Variants in CSMD1 observed in about 807,000 individuals in gnomAD.
CSMD1 encodes CUB and sushi domain-containing protein 1.
CSMD1 carries 213 observed loss-of-function variants against 417.5 expected under a neutral mutation model. That is an observed-to-expected ratio of 0.51 (90% CI 0.46 to 0.57). The LOEUF is 0.57. CSMD1 is among the 20% of genes least tolerant of loss of function. The pLI is 0.00. For missense variants in CSMD1, 6,923 were observed against 4,529.7 expected, an observed-to-expected ratio of 1.53 and a Z score of -15.17; for synonymous variants, 2,862 against 1,736.8, an observed-to-expected ratio of 1.65 and a Z score of -16.11.
intron 12 of CSMD1, among the ~76,000 whole-genome samples, chr8:3,425,531 T>G (rs1208454367): frequency 1.4e-5 from 2 of 141,670 alleles, no homozygotes; most frequent in African/African-American, 2.7e-5. Flanking sequence ...GAGGTTGCAG[T>G]GATCTGAGAT....
chr8:3,608,402 G>A (rs368893477), intron 8 of CSMD1, among the ~76,000 whole-genome samples: 5 of 152,044 alleles, frequency 3.3e-5, no homozygotes, highest in African/African-American at 4.8e-5. Context: ...AATTCAGGGA[G>A]CTCCCTAAGT....
At chr8:3,114,612 G>T (rs137949447) in intron 42 of CSMD1, among the ~76,000 whole-genome samples, 1 of 151,846 alleles carries the variant, frequency 6.6e-6, no homozygotes, top group Non-Finnish European at 1.5e-5. Context: ...AATCCAGAGC[G>T]CACTCTGTCT....
chr8:3,696,380 C>T (rs145204547), intron 7 of CSMD1, among the ~76,000 whole-genome samples: 97 of 152,330 alleles, frequency 6.4e-4, no homozygotes, highest in African/African-American at 2.3e-3. Flanking sequence ...TTGTCGTATA[C>T]TTTCACATAT....
chr8:4,368,000 G>A (rs1351586818), intron 3 of CSMD1, among the ~76,000 whole-genome samples: 2 of 151,974 alleles, frequency 1.3e-5, no homozygotes, highest in Non-Finnish European at 2.9e-5. Flanking sequence ...TCAGTGAAGT[G>A]AGACACCTTT....
intron 3 of CSMD1, among the ~76,000 whole-genome samples, chr8:4,040,700 T>C (rs1297263102): frequency 6.6e-6 from 1 of 152,154 alleles, no homozygotes; most frequent in Non-Finnish European, 1.5e-5. Context: ...CAAATTCATA[T>C]AATAGCAAAA....
intron 3 of CSMD1, among the ~76,000 whole-genome samples, chr8:4,169,549 T>G (rs754268416): frequency 2.6e-5 from 4 of 152,140 alleles, no homozygotes; most frequent in Admixed American, 6.5e-5. Context: ...TCCAAACTCA[T>G]GTTACTTTTC....
intron 21 of CSMD1, among the ~76,000 whole-genome samples, chr8:3,354,766 T>C (rs1268110759): frequency 6.8e-6 from 1 of 147,630 alleles, no homozygotes; most frequent in Non-Finnish European, 1.5e-5. Context: ...CATAGAATTA[T>C]ATACAGTTTA....
At chr8:4,899,491 A>G (rs1052289727) in intron 1 of CSMD1, among the ~76,000 whole-genome samples, 1 of 152,156 alleles carries the variant, frequency 6.6e-6, no homozygotes, top group Non-Finnish European at 1.5e-5. Flanking sequence ...AGAAATCCCA[A>G]TATGTTAGAT....
intron 6 of CSMD1, among the ~76,000 whole-genome samples, chr8:3,708,717 G>A (rs1188550197): frequency 6.6e-6 from 1 of 152,154 alleles, no homozygotes; most frequent in Non-Finnish European, 1.5e-5. Flanking sequence ...AGTGTCGGAA[G>A]CTAAAAATAA....
chr8:4,428,058 G>T (rs1041954772), intron 2 of CSMD1, among the ~76,000 whole-genome samples: 5 of 152,150 alleles, frequency 3.3e-5, no homozygotes, highest in Admixed American at 6.6e-5. Context: ...AGACATGAAG[G>T]TTACATGTCT....
chr8:4,249,031 C>T (rs907172240), intron 3 of CSMD1, among the ~76,000 whole-genome samples: 4 of 152,158 alleles, frequency 2.6e-5, no homozygotes, highest in Non-Finnish European at 2.9e-5. Flanking sequence ...CAGTGCCTGG[C>T]ATATGCTACT....
intron 3 of CSMD1, among the ~76,000 whole-genome samples, chr8:4,172,053 T>C (rs1158282395): frequency 6.6e-6 from 1 of 152,198 alleles, no homozygotes; most frequent in Non-Finnish European, 1.5e-5. Context: ...CAATGCACGA[T>C]GCTTAAAGTA....
chr8:4,284,811 TA>T (rs1312614844), intron 3 of CSMD1, among the ~76,000 whole-genome samples: 1 of 152,008 alleles, frequency 6.6e-6, no homozygotes, highest in Non-Finnish European at 1.5e-5. Context: ...CAAACTTCAA[TA>T]TATGTGGCCG....
At chr8:2,961,899 T>C (rs1489743143) in intron 61 of CSMD1, among the ~76,000 whole-genome samples, 2 of 152,222 alleles carry the variant, frequency 1.3e-5, no homozygotes, top group African/African-American at 4.8e-5. Context: ...TGACAGCAAA[T>C]ATTCTTCTAA....
At chr8:3,320,107 T>C (rs1321825742) in intron 23 of CSMD1, among the ~76,000 whole-genome samples, 1 of 152,206 alleles carries the variant, frequency 6.6e-6, no homozygotes, top group African/African-American at 2.4e-5. Context: ...ACATGCTCTG[T>C]GCCACACAAT....
chr8:3,248,607 G>T (rs900654872), intron 26 of CSMD1, among the ~76,000 whole-genome samples: 1 of 134,426 alleles, frequency 7.4e-6, no homozygotes, highest in Non-Finnish European at 1.5e-5. Flanking sequence ...TCAGCTCACT[G>T]CAAGTTCCAC....
chr8:3,446,300 T>G (rs1331734307), intron 12 of CSMD1, among the ~76,000 whole-genome samples: 1 of 152,232 alleles, frequency 6.6e-6, no homozygotes, highest in Non-Finnish European at 1.5e-5. Flanking sequence ...ATTAGTTTTC[T>G]TTACCTTTTC....
chr8:3,851,986 G>A (rs1168087937), intron 5 of CSMD1, among the ~76,000 whole-genome samples: 2 of 152,110 alleles, frequency 1.3e-5, no homozygotes, highest in African/African-American at 4.8e-5. Context: ...TCATAAAACT[G>A]AGAGCATGGA....
chr8:4,679,024 G>A (rs986189736), intron 1 of CSMD1, among the ~76,000 whole-genome samples: 1 of 152,214 alleles, frequency 6.6e-6, no homozygotes, highest in Non-Finnish European at 1.5e-5. Context: ...ACCTGCCCAA[G>A]ATGGTTCATT....
Sources: allele counts gnomAD v4.1 joint callset (sites outside exome capture counted in the v4.1 genomes callset), GRCh38; gene constraint gnomAD v4.1.1; transcripts MANE v1.5; gene names NCBI Gene and HGNC (gene_info 2026-07-23, HGNC 2026-07-21).